Variants in PPM1E observed in about 807,000 individuals in gnomAD.
The protein encoded by PPM1E is protein phosphatase, Mg2+/Mn2+ dependent 1E.
PPM1E carries 20 observed loss-of-function variants against 65.9 expected under a neutral mutation model. The ratio of observed to expected loss-of-function variants is 0.30; its 90% CI spans 0.21 to 0.44. The LOEUF (loss-of-function observed/expected upper bound fraction) is 0.44, where lower values mean the gene tolerates loss of function less well. PPM1E is among the 20% of genes least tolerant of loss of function. The pLI is 1.00. For synonymous variants in PPM1E, 352 were observed against 374.9 expected (o/e 0.94, Z 0.70); for missense variants, 713 against 953.1 (o/e 0.75, Z 3.32).
rs1191160429 is a variant in PPM1E, at chr17:58,981,032, T to C, written c.*1T>C. 6.3e-7 allele frequency: 1 copy of C among 1,576,258 alleles called. No homozygotes were observed. Among genetic ancestry groups the C allele is most frequent in the East Asian group, 2.2e-5 (1 of 44,616 alleles). On this transcript the variant is annotated 3_prime_UTR_variant, in exon 7 of 7. Coordinates refer to ENST00000308249, the MANE Select transcript of PPM1E (RefSeq NM_014906.5). ...TCCTTGGAGCTATAAAATAGAATAA[T>C]TTTTCTTTCAAGTAGGTTAGCTAGC...
intron 1 of PPM1E, among the ~76,000 whole-genome samples, chr17:58,900,916 A>G (rs1018060111): frequency 6.6e-6 from 1 of 152,172 alleles, no homozygotes; most frequent in Admixed American, 6.5e-5. Context: ...TAAGCACACA[A>G]TATAAATATA....
intron 1 of PPM1E, among the ~76,000 whole-genome samples, chr17:58,853,021 T>C (rs2050843908): frequency 6.6e-6 from 1 of 152,214 alleles, no homozygotes; most frequent in East Asian, 1.9e-4. Flanking sequence ...GATATATGAT[T>C]TGCAAATATG....
intron 1 of PPM1E, chr17:58,785,644 A>G (rs560821829): frequency 6.6e-6 from 1 of 151,544 alleles, no homozygotes; most frequent in Admixed American, 6.6e-5. Flanking sequence ...TATAATAAAA[A>G]CTATGGAAGA....
chr17:58,871,766 T>C (rs1196284999), intron 1 of PPM1E, among the ~76,000 whole-genome samples: 1 of 150,418 alleles, frequency 6.6e-6, no homozygotes, highest in African/African-American at 2.5e-5. Context: ...CAGTGAGCCA[T>C]GATCATCGAT....
intron 1 of PPM1E, among the ~76,000 whole-genome samples, chr17:58,908,333 C>A (rs1282479792): frequency 6.6e-6 from 1 of 152,096 alleles, no homozygotes; most frequent in Non-Finnish European, 1.5e-5. Context: ...CCCACCTTGG[C>A]CTCCCAAAGT....
intron 1 of PPM1E, among the ~76,000 whole-genome samples, chr17:58,909,192 T>C (rs917184158): frequency 2.0e-5 from 3 of 152,098 alleles, no homozygotes; most frequent in African/African-American, 7.2e-5. Flanking sequence ...GGAACAAATT[T>C]CCTCAGTTTT....
At position 58,972,335 on chromosome 17, in the gene PPM1E, T is replaced by C. The variant is rs1043044141; in HGVS notation, c.1116+60T>C. The C allele has an allele frequency of 1.3e-4, 193 of 1,537,976 alleles. 1 individual carries two copies. The highest frequency in any genetic ancestry group is 1.0e-3 in the Middle Eastern group (5 of 4,960). ...TAGTTATTAGTTTAGATTTTCTAGT[T>C]ATTGATTAGGATTCACTTACTTTTT... On this transcript the variant is annotated intron_variant, in intron 5 of 6. Transcript: ENST00000308249.
chr17:58,950,956 T>A (rs1314457144), intron 1 of PPM1E, among the ~76,000 whole-genome samples: 1 of 151,956 alleles, frequency 6.6e-6, no homozygotes, highest in Non-Finnish European at 1.5e-5. Context: ...TTTTTTGTAT[T>A]TTTAGTAGAG....
chr17:58,946,580 C>A (rs1443451396), intron 1 of PPM1E, among the ~76,000 whole-genome samples: 1 of 152,126 alleles, frequency 6.6e-6, no homozygotes, highest in Non-Finnish European at 1.5e-5. Flanking sequence ...CTCAGCCTCC[C>A]AATTAGCTGG....
Position 58,860,671 on chromosome 17 carries a change from C to T in PPM1E, c.465-94978C>T, listed in dbSNP as rs777388811. Among the ~76,000 whole-genome samples the T allele has an allele frequency of 3.3e-5, 5 of 152,322 alleles. No individual in the cohort carries two copies. The South Asian group carries it at 6.2e-4, about 19-fold the overall frequency. On this transcript the variant is annotated intron_variant, in intron 1 of 6. Coordinates refer to ENST00000308249, the MANE Select transcript of PPM1E (RefSeq NM_014906.5). ...TAACATACTCGCTTTAGGCCGGGTG[C>T]GCTGGCTCATGCCTGTAATCCCAGC...
intron 1 of PPM1E, among the ~76,000 whole-genome samples, chr17:58,934,108 A>AG (rs948126983): frequency 6.6e-6 from 1 of 151,188 alleles, no homozygotes; most frequent in Non-Finnish European, 1.5e-5. Context: ...AAAAAAAAAA[A>AG]AGAGAGATGG....
Position 58,972,133 on chromosome 17 carries a change from G to A in PPM1E, c.974G>A (p.Ser325Asn). 1 of 1,612,392 alleles carries A rather than the reference G, an allele frequency of 6.2e-7. No individual in the cohort carries two copies. The highest frequency in any genetic ancestry group is 8.5e-7 in the Non-Finnish European group (1 of 1,178,838). The change falls in exon 5 of 7, where the codon AGC (serine) becomes AAC (asparagine). Residue 325 changes from serine (S) to asparagine (N), a missense_variant and splice_region_variant. Coordinates refer to ENST00000308249, the MANE Select transcript of PPM1E (RefSeq NM_014906.5). The part of the protein sequence containing the change: ...ERFVQKAARE[S>N]LRCGTTGVVT... ...TAGTTTTATTTAAACTGTTTTCAGA[G>A]CTTAAGATGTGGGACCACAGGAGTG...
At chr17:58,869,224 A>G (rs941218591) in intron 1 of PPM1E, among the ~76,000 whole-genome samples, 4 of 152,232 alleles carry the variant, frequency 2.6e-5, no homozygotes, top group Non-Finnish European at 5.9e-5. Flanking sequence ...GTATAACTTT[A>G]TTCTGATAGG....
chr17:58,785,066 G>A (rs2050086102), intron 1 of PPM1E, among the ~76,000 whole-genome samples: 1 of 151,928 alleles, frequency 6.6e-6, no homozygotes, highest in African/African-American at 2.4e-5. Context: ...AGGTCATGAA[G>A]ATTTACTATG....
intron 1 of PPM1E, among the ~76,000 whole-genome samples, chr17:58,870,785 C>T (rs372908763): frequency 8.5e-5 from 13 of 152,116 alleles, no homozygotes; most frequent in Middle Eastern, 3.2e-3. Flanking sequence ...ATCCAGCTTA[C>T]GTTTCTAGTG....
chr17:58,770,527 AC>A (rs2144170247), intron 1 of PPM1E, among the ~76,000 whole-genome samples: 1 of 152,230 alleles, frequency 6.6e-6, no homozygotes, highest in African/African-American at 2.4e-5. Flanking sequence ...ACATAGTGAG[AC>A]CCCATTTTTA....
intron 1 of PPM1E, among the ~76,000 whole-genome samples, chr17:58,784,428 A>G (rs754249268): frequency 4.6e-5 from 7 of 151,716 alleles, no homozygotes; most frequent in Non-Finnish European, 1.0e-4. Flanking sequence ...ACATTTTTTC[A>G]TATGGTTACT....
chr17:58,963,182 C>T (rs2030094260), intron 2 of PPM1E, among the ~76,000 whole-genome samples: 2 of 150,836 alleles, frequency 1.3e-5, no homozygotes, highest in South Asian at 2.1e-4. Flanking sequence ...GTCAGGAGTT[C>T]GAGACCAGCC....
intron 1 of PPM1E, among the ~76,000 whole-genome samples, chr17:58,915,182 TAGAC>T (rs1409764013): frequency 2.6e-5 from 4 of 152,202 alleles, no homozygotes; most frequent in South Asian, 4.1e-4. Flanking sequence ...GACTACCCCA[TAGAC>T]AGAGCAGCCT....
Sources: allele counts gnomAD v4.1 joint callset (sites outside exome capture counted in the v4.1 genomes callset), GRCh38; gene constraint gnomAD v4.1.1; transcripts MANE v1.5; gene names NCBI Gene and HGNC (gene_info 2026-07-23, HGNC 2026-07-21).